The following LRP1B variants were observed in gnomAD, a reference collection of about 807,000 sequenced individuals.
LRP1B encodes low-density lipoprotein receptor-related protein 1B.
A neutral mutation model predicts 556.6 loss-of-function variants in LRP1B; 217 were observed. The observed-to-expected ratio is 0.39, with a 90% confidence interval of 0.35 to 0.44. LRP1B has a LOEUF of 0.44. LRP1B is among the 20% of genes least tolerant of loss of function. The pLI is 1.00. For synonymous variants in LRP1B, 2,047 were observed against 1,865.8 expected (o/e 1.10, Z -2.50); for missense variants, 5,053 against 5,620.8 (o/e 0.90, Z 3.23).
At chr2:140,778,426 A>T (rs1395923420) in intron 32 of LRP1B, among the ~76,000 whole-genome samples, 1 of 152,210 alleles carries the variant, frequency 6.6e-6, no homozygotes, top group Non-Finnish European at 1.5e-5. Context: ...CAATACCGTA[A>T]GTCTGACAGC....
intron 2 of LRP1B, among the ~76,000 whole-genome samples, chr2:141,652,810 C>A (rs1357380468): frequency 1.3e-5 from 2 of 152,124 alleles, no homozygotes; most frequent in Non-Finnish European, 2.9e-5. Flanking sequence ...AATCTCATGG[C>A]CTCCTTCTAA....
intron 43 of LRP1B, among the ~76,000 whole-genome samples, chr2:140,572,115 A>G (rs1319478968): frequency 6.6e-6 from 1 of 151,832 alleles, no homozygotes; most frequent in East Asian, 1.9e-4. Context: ...CCTCACAAAC[A>G]GAGACAACAT....
At chr2:140,505,949 A>G (rs963834339) in intron 53 of LRP1B, among the ~76,000 whole-genome samples, 1 of 152,188 alleles carries the variant, frequency 6.6e-6, no homozygotes. Flanking sequence ...TGATGCTATC[A>G]TTAAAGTTGT....
At position 140,598,696 on chromosome 2, in the gene LRP1B, G is replaced by A. The variant is rs758498000; in HGVS notation, c.7129C>T (p.Leu2377=). The A allele has an allele frequency of 2.5e-6, 4 of 1,613,714 alleles. No homozygotes were observed. Among genetic ancestry groups the A allele is most frequent in the Non-Finnish European group, 3.4e-6 (4 of 1,179,780 alleles). The change falls in exon 43 of 91, where the codon CTG becomes TTG. Residue 2377 remains leucine, a synonymous_variant. Transcript: ENST00000389484. Reference sequence around the variant, plus strand: ...CCTAGACTGCCATCTGAGAAATACAGCTTCTCTGCACGGTAGTCGATAGTA... The same window carrying A: ...CCTAGACTGCCATCTGAGAAATACAACTTCTCTGCACGGTAGTCGATAGTA... ...GLTIDYRAEK[L]YFSDGSLGKI...
chr2:141,995,353 T>C (rs943565726), intron 1 of LRP1B, among the ~76,000 whole-genome samples: 2 of 152,156 alleles, frequency 1.3e-5, no homozygotes, highest in Non-Finnish European at 2.9e-5. Flanking sequence ...AAAGAATGGC[T>C]ACCTGAGTCC....
chr2:141,254,168 A>G lies in LRP1B; in HGVS notation c.463+354T>C, dbSNP rs192494083. On this transcript the variant is annotated intron_variant, in intron 4 of 90. Transcript: ENST00000389484. ...TATAAAGAACATTACATGATTAGCA[A>G]TTATTAACCTAACGTAGTTAATAAC... Among the ~76,000 whole-genome samples the G allele has an allele frequency of 3.9e-5, 6 of 152,260 alleles. No homozygotes were observed. The East Asian group carries it at 1.2e-3, about 29-fold the overall frequency.
At chr2:140,586,604 C>T (rs1393517113) in intron 43 of LRP1B, 1 of 152,162 alleles carries the variant, frequency 6.6e-6, no homozygotes, top group East Asian at 1.9e-4. Context: ...CTGTAGAGGC[C>T]ATCTAGGTAG....
chr2:140,397,333 A>G (rs181195355), intron 66 of LRP1B, among the ~76,000 whole-genome samples: 8 of 152,016 alleles, frequency 5.3e-5, no homozygotes, highest in Admixed American at 2.0e-4. Context: ...TAATGCTCCA[A>G]TGCTCTCCCC....
chr2:140,872,496 C>G (rs1171473839), intron 25 of LRP1B, among the ~76,000 whole-genome samples: 1 of 150,242 alleles, frequency 6.7e-6, no homozygotes, highest in Non-Finnish European at 1.5e-5. Flanking sequence ...GAACTGTAAG[C>G]ACATCACATG....
At chr2:140,517,768 T>C (rs1260112390) in intron 49 of LRP1B, among the ~76,000 whole-genome samples, 6 of 144,504 alleles carry the variant, frequency 4.2e-5, no homozygotes, top group African/African-American at 1.5e-4. Context: ...TGGAGTGCAG[T>C]GGCACAATCT....
chr2:141,485,446 C>T (rs1683087786), intron 2 of LRP1B, among the ~76,000 whole-genome samples: 1 of 152,092 alleles, frequency 6.6e-6, no homozygotes, highest in African/African-American at 2.4e-5. Context: ...ACCTCTTTGA[C>T]CAGTGCTAGG....
chr2:140,525,035 A>C lies in LRP1B; in HGVS notation c.8026+809T>G, dbSNP rs550360149. ...ATCTACTAAAAAATCAGACTTTCATAGTAGATTGTGTGTGTATAAACTTTT... is the reference window on the plus strand; with the variant it reads ...ATCTACTAAAAAATCAGACTTTCATCGTAGATTGTGTGTGTATAAACTTTT... On this transcript the variant is annotated intron_variant, in intron 49 of 90. Transcript: ENST00000389484. Among the ~76,000 whole-genome samples the C allele has an allele frequency of 9.3e-3, 1,421 of 152,048 alleles. 19 individuals carry two copies. Among genetic ancestry groups the C allele is most frequent in the African/African-American group, 0.031 (1,269 of 41,544 alleles).
At chr2:141,535,155 G>A (rs62167941) in intron 2 of LRP1B, among the ~76,000 whole-genome samples, 3,138 of 152,040 alleles carry the variant, frequency 0.021, 84 homozygotes, top group East Asian at 0.12. Flanking sequence ...TCTCCTTAGC[G>A]TCTGCTGGTA....
chr2:140,826,801 G>T (rs1418834524), intron 31 of LRP1B, among the ~76,000 whole-genome samples: 2 of 152,152 alleles, frequency 1.3e-5, no homozygotes, highest in Non-Finnish European at 2.9e-5. Context: ...GAAAACCCCT[G>T]AGGGCAGCTA....
chr2:141,159,699 A>T (rs920610244), intron 7 of LRP1B, among the ~76,000 whole-genome samples: 1 of 152,248 alleles, frequency 6.6e-6, no homozygotes, highest in Non-Finnish European at 1.5e-5. Context: ...AAATGACAAA[A>T]CTAAACATAG....
chr2:141,560,247 G>A (rs1392991396), intron 2 of LRP1B, among the ~76,000 whole-genome samples: 1 of 151,722 alleles, frequency 6.6e-6, no homozygotes, highest in East Asian at 1.9e-4. Flanking sequence ...TATGTCAAAG[G>A]AACATTAACT....
At chr2:142,042,669 T>C (rs1263729670) in intron 1 of LRP1B, among the ~76,000 whole-genome samples, 1 of 151,522 alleles carries the variant, frequency 6.6e-6, no homozygotes, top group Non-Finnish European at 1.5e-5. Context: ...TCTCAATCTA[T>C]AGCTGTAAAA....
intron 41 of LRP1B, among the ~76,000 whole-genome samples, chr2:140,625,864 T>A (rs1186757345): frequency 1.3e-5 from 2 of 152,168 alleles, no homozygotes; most frequent in African/African-American, 4.8e-5. Context: ...CCAGCATTCA[T>A]TCACCCTATT....
chr2:141,635,702 A>G (rs1574171645), intron 2 of LRP1B, among the ~76,000 whole-genome samples: 1 of 152,344 alleles, frequency 6.6e-6, no homozygotes, highest in South Asian at 2.1e-4. Context: ...ACTTCAAGAC[A>G]GAAGCCTTTG....
Sources: allele counts gnomAD v4.1 joint callset (sites outside exome capture counted in the v4.1 genomes callset), GRCh38; gene constraint gnomAD v4.1.1; transcripts MANE v1.5; gene names NCBI Gene and HGNC (gene_info 2026-07-23, HGNC 2026-07-21).